The following CNTNAP2 variants were observed in gnomAD, a reference collection of about 807,000 sequenced individuals.
CNTNAP2 encodes contactin-associated protein-like 2.
In CNTNAP2, 98 loss-of-function variants were observed where a neutral mutation model predicts 155.2. The observed-to-expected ratio is 0.63, with a 90% CI of 0.54 to 0.75. The LOEUF (loss-of-function observed/expected upper bound fraction) is 0.75. Among genes scored for constraint, CNTNAP2 ranks in the 30% least tolerant of loss-of-function variants. The pLI is 0.00. For synonymous variants in CNTNAP2, 651 were observed against 631.2 expected, an observed-to-expected ratio of 1.03 and a Z score of -0.47; for missense variants, 1,727 against 1,688.1, an observed-to-expected ratio of 1.02 and a Z score of -0.40.
intron 1 of CNTNAP2, among the ~76,000 whole-genome samples, chr7:146,768,889 A>C (rs1239970319): frequency 6.6e-6 from 1 of 152,166 alleles, no homozygotes; most frequent in African/African-American, 2.4e-5. Context: ...GCATTTGAAA[A>C]CCATACTTTT....
At chr7:146,754,644 C>T (rs1329423711) in intron 1 of CNTNAP2, among the ~76,000 whole-genome samples, 1 of 151,210 alleles carries the variant, frequency 6.6e-6, no homozygotes, top group African/African-American at 2.4e-5. Flanking sequence ...TGTGATAGTT[C>T]CATTGCTGTG....
intron 1 of CNTNAP2, among the ~76,000 whole-genome samples, chr7:146,330,055 T>C (rs1801158660): frequency 7.6e-6 from 1 of 131,380 alleles, no homozygotes; most frequent in African/African-American, 2.8e-5. Flanking sequence ...AGAGTTTCAC[T>C]CTTGTTGCCC....
chr7:146,149,121 G>T (rs1797997451), intron 1 of CNTNAP2, among the ~76,000 whole-genome samples: 1 of 151,852 alleles, frequency 6.6e-6, no homozygotes, highest in African/African-American at 2.4e-5. Context: ...CATGGCACAT[G>T]TATACATATG....
chr7:146,606,071 G>A (rs1799041905), intron 1 of CNTNAP2, among the ~76,000 whole-genome samples: 1 of 152,106 alleles, frequency 6.6e-6, no homozygotes, highest in East Asian at 1.9e-4. Flanking sequence ...ATTTTTAGAA[G>A]CAGATTTGAT....
At chr7:148,007,126 C>A (rs567423594) in intron 15 of CNTNAP2, among the ~76,000 whole-genome samples, 1 of 152,308 alleles carries the variant, frequency 6.6e-6, no homozygotes, top group East Asian at 1.9e-4. Flanking sequence ...GTGCTTTACG[C>A]ATTTCATTAT....
At chr7:146,345,259 CAT>C (rs1341445668) in intron 1 of CNTNAP2, among the ~76,000 whole-genome samples, 2 of 152,128 alleles carry the variant, frequency 1.3e-5, no homozygotes, top group African/African-American at 4.8e-5. Context: ...GTTTTTCACT[CAT>C]ATGTTCTAAT....
At chr7:146,900,954 T>C (rs1263191570) in intron 3 of CNTNAP2, among the ~76,000 whole-genome samples, 2 of 152,048 alleles carry the variant, frequency 1.3e-5, no homozygotes, top group African/African-American at 4.8e-5. Context: ...GTCCTCATAA[T>C]ATACTGCTTT....
intron 8 of CNTNAP2, among the ~76,000 whole-genome samples, chr7:147,236,581 T>C (rs1380084727): frequency 4.1e-5 from 6 of 147,962 alleles, no homozygotes; most frequent in Admixed American, 6.7e-5. Context: ...TTTTGGTTGG[T>C]TTTTTTTTTC....
At chr7:146,628,162 G>T (rs180981687) in intron 1 of CNTNAP2, among the ~76,000 whole-genome samples, 1 of 152,210 alleles carries the variant, frequency 6.6e-6, no homozygotes, top group Non-Finnish European at 1.5e-5. Flanking sequence ...ATGAGCTTTA[G>T]ACCATTCCTA....
chr7:147,275,520 C>T (rs28840228), intron 8 of CNTNAP2, among the ~76,000 whole-genome samples: 22,435 of 151,858 alleles, frequency 0.15, 2,779 homozygotes, highest in East Asian at 0.7. Context: ...GATTTTTATA[C>T]ATTGATTTTG....
At position 148,417,414 on chromosome 7, in the gene CNTNAP2, G is replaced by A. The variant is rs914800965; in HGVS notation, c.*1798G>A. ...AATTCCCATACAAGTCAAGGTAACAGAACAAAAGGGAATCCTGATGCCCTT... is the reference window on the plus strand; with the variant it reads ...AATTCCCATACAAGTCAAGGTAACAAAACAAAAGGGAATCCTGATGCCCTT... On this transcript the variant is annotated 3_prime_UTR_variant, in exon 24 of 24. Coordinates refer to ENST00000361727, the MANE Select transcript of CNTNAP2 (RefSeq NM_014141.6). 1 of 152,638 alleles carries A rather than the reference G, an allele frequency of 6.6e-6. No homozygotes were observed. The highest frequency in any genetic ancestry group is 1.5e-5 in the Non-Finnish European group (1 of 68,038). The allele number at this position is 152,638 out of a possible 1,614,324, so 9.5% of individuals were successfully genotyped here.
chr7:147,581,307 C>G (rs1800494559), intron 12 of CNTNAP2, among the ~76,000 whole-genome samples: 1 of 152,156 alleles, frequency 6.6e-6, no homozygotes. Context: ...GTTTAAAAGA[C>G]AGAAGTAAAA....
At chr7:147,189,318 C>G (rs183866149) in intron 8 of CNTNAP2, among the ~76,000 whole-genome samples, 1 of 152,224 alleles carries the variant, frequency 6.6e-6, no homozygotes, top group Admixed American at 6.5e-5. Flanking sequence ...CACATGACAT[C>G]TACAAGGCAA....
chr7:146,980,378 G>T (rs1208345864), intron 3 of CNTNAP2, among the ~76,000 whole-genome samples: 1 of 152,172 alleles, frequency 6.6e-6, no homozygotes, highest in Non-Finnish European at 1.5e-5. Context: ...GATTGACAAT[G>T]GTTTGCCCAG....
chr7:148,413,388 G>A (rs1269814364), intron 23 of CNTNAP2, among the ~76,000 whole-genome samples: 1 of 7,394 alleles, frequency 1.4e-4, no homozygotes, highest in Admixed American at 2.4e-3. Context: ...GTGAAACTCC[G>A]TCTCAAAAAA....
chr7:147,625,156 A>C (rs1411559331), intron 12 of CNTNAP2, among the ~76,000 whole-genome samples: 1 of 152,148 alleles, frequency 6.6e-6, no homozygotes, highest in Non-Finnish European at 1.5e-5. Flanking sequence ...TAATAAGTAC[A>C]AAAAATAGAA....
intron 1 of CNTNAP2, among the ~76,000 whole-genome samples, chr7:146,674,232 A>G (rs1029810106): frequency 3.3e-5 from 5 of 152,172 alleles, no homozygotes; most frequent in Admixed American, 2.6e-4. Flanking sequence ...GAACTGCCTT[A>G]GAGAGTTTAA....
intron 13 of CNTNAP2, among the ~76,000 whole-genome samples, chr7:147,897,329 A>G (rs1799793208): frequency 6.6e-6 from 1 of 152,196 alleles, no homozygotes; most frequent in African/African-American, 2.4e-5. Context: ...ATTCTGAGAT[A>G]TATAATCTTT....
intron 1 of CNTNAP2, among the ~76,000 whole-genome samples, chr7:146,253,916 G>C (rs1799796526): frequency 2.0e-5 from 3 of 150,252 alleles, no homozygotes; most frequent in African/African-American, 7.5e-5. Context: ...TTAAAAATTA[G>C]CTCCATGTGG....
Sources: allele counts gnomAD v4.1 joint callset (sites outside exome capture counted in the v4.1 genomes callset), GRCh38; gene constraint gnomAD v4.1.1; transcripts MANE v1.5; gene names NCBI Gene and HGNC (gene_info 2026-07-23, HGNC 2026-07-21).